Variants in MID1 observed in about 807,000 individuals in gnomAD.
MID1 encodes E3 ubiquitin-protein ligase Midline-1.
MID1 carries 7 observed loss-of-function variants against 40.4 expected under a neutral mutation model. That is an observed-to-expected ratio of 0.17 (90% CI 0.10 to 0.33). MID1 has a LOEUF of 0.33. Among genes scored for constraint, MID1 ranks in the 10% least tolerant of loss-of-function variants. The pLI is 1.00. For synonymous variants in MID1, 229 were observed against 221.2 expected (o/e 1.04, Z -0.31); for missense variants, 367 against 558.5 (o/e 0.66, Z 3.46).
chrX:10,459,053 G>A (rs183295977), intron 8 of MID1, among the ~76,000 whole-genome samples: 19 of 111,369 alleles, frequency 1.7e-4, no homozygotes, highest in Admixed American at 7.6e-4. Context: ...TCTGTGATGC[G>A]CACTGTCCTG....
chrX:10,639,249 G>C (rs957769671), intron 1 of MID1, among the ~76,000 whole-genome samples: 1 of 111,645 alleles, frequency 9.0e-6, no homozygotes, highest in African/African-American at 3.3e-5. Context: ...CCATCACAAA[G>C]AAGCTAAAAA....
intron 1 of MID1, among the ~76,000 whole-genome samples, chrX:10,590,797 G>C (rs775634748): frequency 1.3e-4 from 15 of 112,132 alleles, no homozygotes; most frequent in Non-Finnish European, 1.9e-4. Context: ...CAAGGCATGA[G>C]TTTGGAGTTA....
At chrX:10,725,596 C>T (rs1013635738) in intron 1 of MID1, among the ~76,000 whole-genome samples, 6 of 111,952 alleles carry the variant, frequency 5.4e-5, no homozygotes, top group South Asian at 3.8e-4. Context: ...CGGTGGCTCA[C>T]GCCTGTAATC....
chrX:10,455,102 AAAAG>A, intron 8 of MID1, 25 bp from the exon 9 acceptor site: 1 of 1,127,964 alleles, frequency 8.9e-7, no homozygotes, highest in Non-Finnish European at 1.2e-6. Flanking sequence ...ACAAAACAGA[AAAAG>A]GAAGAGGAAG....
chrX:10,449,484 C>T lies in MID1; in HGVS notation c.1888G>A (p.Asp630Asn), dbSNP rs150291968. ...ALNSIHLYTFDVAFAQPVCPT... is the reference protein window; with the variant it reads ...ALNSIHLYTFNVAFAQPVCPT... Reference sequence around the variant, plus strand: ...CAAACAGGCTGCGCAAATGCGACGTCGAAGGTGTAGAGGTGGATGGAGTTC... The same window carrying T: ...CAAACAGGCTGCGCAAATGCGACGTTGAAGGTGTAGAGGTGGATGGAGTTC... Residue 630 changes from aspartate (D) to asparagine (N), a missense_variant, in exon 10 of 10, where the codon GAC (aspartate) becomes AAC (asparagine). Physicochemically the swap from Asp to Asn is conservative, Grantham distance 23. Coordinates refer to ENST00000317552, the MANE Select transcript of MID1 (RefSeq NM_000381.4). The T allele has an allele frequency of 5.8e-6, 7 of 1,209,780 alleles. No homozygotes were observed. The highest frequency in any genetic ancestry group is 7.8e-6 in the Non-Finnish European group (7 of 895,147).
intron 1 of MID1, among the ~76,000 whole-genome samples, chrX:10,745,721 T>C (rs1471211216): frequency 1.8e-5 from 2 of 112,416 alleles, no homozygotes; most frequent in Admixed American, 9.4e-5. Context: ...TTTACAGCAC[T>C]TTTGGGAAGA....
chrX:10,804,793 C>A (rs1399927005), intron 1 of MID1, among the ~76,000 whole-genome samples: 1 of 111,431 alleles, frequency 9.0e-6, no homozygotes, highest in Admixed American at 9.6e-5. Flanking sequence ...GGTAATTTTT[C>A]TTCTACCAAG....
At position 10,608,797 on chromosome X, in the gene MID1, A is replaced by G. The variant is rs769769737; in HGVS notation, c.-57+11493T>C. Among the ~76,000 whole-genome samples the G allele has an allele frequency of 2.0e-3, 229 of 112,000 alleles. 1 individual carries two copies. The highest frequency in any genetic ancestry group is 6.7e-3 in the African/African-American group (208 of 30,827). Reference sequence around the variant, plus strand: ...TCAGCCCTCAGCACCATGCCCTCTAAAATGCATTTTTTCCATTTCTACCTT... The same window carrying G: ...TCAGCCCTCAGCACCATGCCCTCTAGAATGCATTTTTTCCATTTCTACCTT... On this transcript the variant is annotated intron_variant, in intron 1 of 9. Coordinates refer to ENST00000317552, the MANE Select transcript of MID1 (RefSeq NM_000381.4).
chrX:10,638,754 C>A (rs189309318), intron 1 of MID1, among the ~76,000 whole-genome samples: 55 of 112,088 alleles, frequency 4.9e-4, no homozygotes, highest in African/African-American at 1.7e-3. Flanking sequence ...GAGACACATC[C>A]CAGTAAGGGC....
intron 1 of MID1, among the ~76,000 whole-genome samples, chrX:10,774,150 C>T (rs1437298521): frequency 9.0e-6 from 1 of 111,114 alleles, no homozygotes; most frequent in Non-Finnish European, 1.9e-5. Flanking sequence ...AAATTACCCT[C>T]AGCAAAATTG....
At chrX:10,726,096 T>A (rs1185365457) in intron 1 of MID1, among the ~76,000 whole-genome samples, 1 of 111,764 alleles carries the variant, frequency 8.9e-6, no homozygotes, top group African/African-American at 3.3e-5. Context: ...GCTGTGTAAA[T>A]AAGACATATA....
chrX:10,623,245 GA>G (rs1248093916), upstream of MID1, among the ~76,000 whole-genome samples: 1 of 77,610 alleles, frequency 1.3e-5, no homozygotes, highest in Non-Finnish European at 2.5e-5. Context: ...ATAAGACCCC[GA>G]AAAAAAAGAA....
intron 1 of MID1, among the ~76,000 whole-genome samples, chrX:10,688,594 T>A (rs1175213746): frequency 8.9e-6 from 1 of 112,303 alleles, no homozygotes; most frequent in Admixed American, 9.5e-5. Flanking sequence ...ATTTTGCTTT[T>A]TTTCACTTGA....
intron 1 of MID1, among the ~76,000 whole-genome samples, chrX:10,574,050 C>G (rs1326886845): frequency 3.6e-5 from 4 of 111,540 alleles, no homozygotes; most frequent in Non-Finnish European, 7.5e-5. Flanking sequence ...CCAAAGATAT[C>G]CACAGCCTCC....
chrX:10,603,524 G>C (rs1935570452), intron 1 of MID1, among the ~76,000 whole-genome samples: 1 of 111,590 alleles, frequency 9.0e-6, no homozygotes, highest in Admixed American at 9.5e-5. Context: ...TTAAATGTTG[G>C]ACATTTGTAC....
At chrX:10,638,110 T>C (rs1023309524) in intron 1 of MID1, among the ~76,000 whole-genome samples, 1 of 111,797 alleles carries the variant, frequency 8.9e-6, no homozygotes, top group African/African-American at 3.3e-5. Flanking sequence ...TAGGAACAGC[T>C]CCAGTCTGCA....
intron 1 of MID1, among the ~76,000 whole-genome samples, chrX:10,668,791 G>T (rs141442335): frequency 8.9e-6 from 1 of 112,425 alleles, no homozygotes; most frequent in Non-Finnish European, 1.9e-5. Flanking sequence ...CTTTGTATTG[G>T]TAAGTCATTG....
chrX:10,561,300 A>T (rs1934328534), intron 2 of MID1, among the ~76,000 whole-genome samples: 1 of 107,322 alleles, frequency 9.3e-6, no homozygotes, highest in Admixed American at 9.7e-5. Flanking sequence ...TTCAGGACAT[A>T]GGCATGGGCA....
intron 7 of MID1, among the ~76,000 whole-genome samples, chrX:10,468,692 T>A (rs964578041): frequency 9.0e-6 from 1 of 111,609 alleles, no homozygotes; most frequent in African/African-American, 3.3e-5. Flanking sequence ...CTGCTACTAC[T>A]GCTATTTGAA....
Sources: gnomAD v4.1 joint callset for allele counts (sites outside exome capture counted in the v4.1 genomes callset) on GRCh38, gnomAD v4.1.1 for gene constraint, MANE v1.5 for transcripts, NCBI Gene and HGNC (gene_info 2026-07-23, HGNC 2026-07-21) for gene names.